The following GOLPH3 variants were observed in gnomAD, a reference collection of about 807,000 sequenced individuals.
GOLPH3 encodes coat protein GPP34.
In GOLPH3, 14 loss-of-function variants were observed where a neutral mutation model predicts 28.5. The ratio of observed to expected loss-of-function variants is 0.49; its 90% CI spans 0.32 to 0.77. GOLPH3 has a LOEUF of 0.77. Among genes scored for constraint, GOLPH3 ranks in the 30% least tolerant of loss-of-function variants. The pLI, the probability that GOLPH3 is intolerant of heterozygous loss-of-function variation, is 0.03. For missense variants in GOLPH3, 350 were observed against 393.7 expected, an observed-to-expected ratio of 0.89 and a Z score of 0.94; for synonymous variants, 158 against 159.2, an observed-to-expected ratio of 0.99 and a Z score of 0.06.
intron 3 of GOLPH3, among the ~76,000 whole-genome samples, chr5:32,131,384 T>A (rs1405179178): frequency 1.3e-5 from 2 of 152,240 alleles, no homozygotes; most frequent in East Asian, 1.9e-4. Flanking sequence ...TTAGCGTAAG[T>A]AAGACATCAG....
At chr5:32,132,016 C>T (rs1374409869) in intron 3 of GOLPH3, among the ~76,000 whole-genome samples, 1 of 152,060 alleles carries the variant, frequency 6.6e-6, no homozygotes, top group African/African-American at 2.4e-5. Flanking sequence ...ATTAGCTGGG[C>T]GTGGTGGCAC....
At position 32,173,881 on chromosome 5, in the gene GOLPH3, TGTC is replaced by T. The variant is rs759714499; in HGVS notation, c.151_153del (p.Asp51del). On this transcript the variant is annotated inframe_deletion, in exon 1 of 4. Transcript: ENST00000265070. ...AGCCGCGTTTCCTTGGAGTCGCCCTTGTCGTCGTCGTCCTGCTCGTCGCGGCGG... is the reference window on the plus strand; with the variant it reads ...AGCCGCGTTTCCTTGGAGTCGCCCTTGTCGTCGTCCTGCTCGTCGCGGCGG... 5.9e-6 allele frequency: 9 copies of T among 1,527,596 alleles called. No individual in the cohort carries two copies. Among genetic ancestry groups the T allele is most frequent in the East Asian group, 2.7e-5 (1 of 36,816 alleles). The allele number at this position is 1,527,596 out of a possible 1,614,324, so 94.6% of individuals were successfully genotyped here. A position where few individuals can be genotyped will look rare whatever the true frequency, so the allele number is the denominator to read the frequency against.
chr5:32,161,414 A>C (rs970816204), intron 1 of GOLPH3, among the ~76,000 whole-genome samples: 3 of 148,662 alleles, frequency 2.0e-5, no homozygotes, highest in Non-Finnish European at 3.0e-5. Flanking sequence ...AAAAAAAAAA[A>C]CCAAAGCTGA....
chr5:32,137,160 T>C (rs182716237), intron 2 of GOLPH3, among the ~76,000 whole-genome samples: 2,160 of 151,746 alleles, frequency 0.014, 31 homozygotes, highest in Non-Finnish European at 0.021. Flanking sequence ...GGTTTCTCCA[T>C]GTTGGTCAGG....
intron 1 of GOLPH3, among the ~76,000 whole-genome samples, chr5:32,149,585 T>C (rs1252284876): frequency 6.6e-6 from 1 of 151,616 alleles, no homozygotes; most frequent in Non-Finnish European, 1.5e-5. Context: ...ATGTCAAAAA[T>C]TAAGAATCAA....
At chr5:32,149,499 A>G (rs1175406658) in intron 1 of GOLPH3, among the ~76,000 whole-genome samples, 1 of 152,364 alleles carries the variant, frequency 6.6e-6, no homozygotes, top group South Asian at 2.1e-4. Context: ...TATATGGCAT[A>G]TGAATCATAT....
chr5:32,133,111 A>G (rs1279315905), intron 3 of GOLPH3, among the ~76,000 whole-genome samples: 2 of 152,354 alleles, frequency 1.3e-5, no homozygotes, highest in Middle Eastern at 3.4e-3. Flanking sequence ...TTCTAATCCA[A>G]ACAGACAGTG....
In GOLPH3 at chr5:32,161,684, T is replaced by C. The variant is rs527521539; in HGVS notation, c.225+12126A>G. 2.5e-4 allele frequency among the ~76,000 whole-genome samples: 38 copies of C among 151,466 alleles called. No homozygotes were observed. The South Asian group carries it at 7.9e-3, about 31-fold the overall frequency. On this transcript the variant is annotated intron_variant, in intron 1 of 3. Coordinates refer to ENST00000265070, the MANE Select transcript of GOLPH3 (RefSeq NM_022130.4). ...AGCAGTATCTGGAAAAGAGGAATCA[T>C]GGAACCAATCCCAAGGATTCTTTAA...
rs138967126 is a variant in GOLPH3, at chr5:32,152,717, G to A, written c.226-8837C>T. On this transcript the variant is annotated intron_variant, in intron 1 of 3. Coordinates refer to ENST00000265070, the MANE Select transcript of GOLPH3 (RefSeq NM_022130.4). Reference sequence around the variant, plus strand: ...GAATCGCTTGAACTCAGGAAGCCAAGGTTGCAGTGAACCAGGATCACACCA... The same window carrying A: ...GAATCGCTTGAACTCAGGAAGCCAAAGTTGCAGTGAACCAGGATCACACCA... Among the ~76,000 whole-genome samples, 25 of 151,602 alleles carry A rather than the reference G, an allele frequency of 1.6e-4. No individual in the cohort carries two copies. In the East Asian group the frequency reaches 4.9e-3, roughly 30 times the overall value.
Position 32,150,001 on chromosome 5 carries a change from T to C in GOLPH3, c.226-6121A>G, listed in dbSNP as rs546021624. On this transcript the variant is annotated intron_variant, in intron 1 of 3. Transcript: ENST00000265070. Reference sequence around the variant, plus strand: ...ACTGTCTCAAGAAAAAAAAAAAAAGTAGTAAAACTGCATTTGCTGGTGATA... The same window carrying C: ...ACTGTCTCAAGAAAAAAAAAAAAAGCAGTAAAACTGCATTTGCTGGTGATA... Among the ~76,000 whole-genome samples the C allele has an allele frequency of 6.7e-5, 10 of 149,514 alleles. No homozygotes were observed. The East Asian group carries it at 7.8e-4, about 12-fold the overall frequency.
At chr5:32,148,527 G>T (rs1410059128) in intron 1 of GOLPH3, among the ~76,000 whole-genome samples, 1 of 152,204 alleles carries the variant, frequency 6.6e-6, no homozygotes, top group Non-Finnish European at 1.5e-5. Flanking sequence ...GGTCCACATG[G>T]TGGCTCACGC....
chr5:32,139,084 G>T (rs369394047), intron 2 of GOLPH3, among the ~76,000 whole-genome samples: 4 of 152,154 alleles, frequency 2.6e-5, no homozygotes, highest in East Asian at 3.8e-4. Context: ...TTTTTCTTAT[G>T]AAGTTCTGTC....
intron 3 of GOLPH3, among the ~76,000 whole-genome samples, chr5:32,127,221 G>A (rs1000691248): frequency 2.0e-5 from 3 of 152,154 alleles, no homozygotes; most frequent in Admixed American, 6.5e-5. Flanking sequence ...AAAACCAAAC[G>A]ATTTTTCACT....
chr5:32,138,258 G>C (rs1408448099), intron 2 of GOLPH3, among the ~76,000 whole-genome samples: 1 of 152,052 alleles, frequency 6.6e-6, no homozygotes, highest in African/African-American at 2.4e-5. Flanking sequence ...TCCTCAAAGT[G>C]TCCTTTACTT....
intron 1 of GOLPH3, among the ~76,000 whole-genome samples, chr5:32,146,579 C>T (rs1746183202): frequency 6.6e-6 from 1 of 152,196 alleles, no homozygotes; most frequent in African/African-American, 2.4e-5. Flanking sequence ...AGCTACTGTT[C>T]TGCTCTCAAC....
At position 32,174,131 on chromosome 5, in the gene GOLPH3, T is replaced by C. The variant is rs1381544799; in HGVS notation, c.-97A>G. 3.5e-6 allele frequency: 3 copies of C among 858,752 alleles called. No homozygotes were observed. The Admixed American group carries it at 1.3e-4, about 38-fold the overall frequency. 53.2% of individuals were successfully genotyped at this position (858,752 alleles called of 1,614,324 possible). A position where few individuals can be genotyped will look rare whatever the true frequency, so the allele number is the denominator to read the frequency against. ...GCGGCCTCCGATCCGGGTTTCCGTG[T>C]TAAATCCGGACGCCGGGGCGACGTC... On this transcript the variant is annotated 5_prime_UTR_variant, in exon 1 of 4. It removes the in-frame stop codon of an upstream open reading frame in the 5' UTR. Transcript: ENST00000265070.
intron 1 of GOLPH3, among the ~76,000 whole-genome samples, chr5:32,153,694 G>C (rs1212852454): frequency 6.6e-6 from 1 of 152,160 alleles, no homozygotes; most frequent in Non-Finnish European, 1.5e-5. Flanking sequence ...AACCCAGTAA[G>C]TTAAATAAAA....
At chr5:32,169,141 G>C (rs1365389920) in intron 1 of GOLPH3, among the ~76,000 whole-genome samples, 1 of 151,864 alleles carries the variant, frequency 6.6e-6, no homozygotes. Context: ...AATTAGCTGG[G>C]CATGGTGGTG....
At chr5:32,148,562 C>T (rs1581547043) in intron 1 of GOLPH3, among the ~76,000 whole-genome samples, 1 of 152,122 alleles carries the variant, frequency 6.6e-6, no homozygotes, top group Non-Finnish European at 1.5e-5. Context: ...CTTTGGGAGG[C>T]CAAGGTGGGC....
Sources: gnomAD v4.1 joint callset for allele counts (sites outside exome capture counted in the v4.1 genomes callset) on GRCh38, gnomAD v4.1.1 for gene constraint, MANE v1.5 for transcripts, NCBI Gene and HGNC (gene_info 2026-07-23, HGNC 2026-07-21) for gene names.